KCNMB2: variants seen among roughly 807,000 people sequenced by gnomAD.
KCNMB2 encodes the protein potassium calcium-activated channel subfamily M regulatory beta subunit 2.
In KCNMB2, 9 loss-of-function variants were observed where a neutral mutation model predicts 24.5. That is an observed-to-expected ratio of 0.37 (90% CI 0.22 to 0.64). KCNMB2 has a LOEUF of 0.64. Ranked by LOEUF, KCNMB2 falls within the 30% of genes least tolerant of loss-of-function variation. KCNMB2 has a pLI of 0.63. For missense variants in KCNMB2, 226 were observed against 284.3 expected, an observed-to-expected ratio of 0.79 and a Z score of 1.47; for synonymous variants, 109 against 104.4, an observed-to-expected ratio of 1.04 and a Z score of -0.27.
intron 1 of KCNMB2, among the ~76,000 whole-genome samples, chr3:178,756,379 A>G (rs905754225): frequency 1.3e-5 from 2 of 152,116 alleles, no homozygotes; most frequent in African/African-American, 4.8e-5. Context: ...ATAAAGAATT[A>G]GGTTTCTGTG....
chr3:178,583,881 T>G (rs1717309860), intron 1 of KCNMB2, among the ~76,000 whole-genome samples: 1 of 152,226 alleles, frequency 6.6e-6, no homozygotes, highest in African/African-American at 2.4e-5. Flanking sequence ...GTGTTATAAT[T>G]ACCTGTTCTC....
chr3:178,643,168 C>A (rs1448884322), intron 1 of KCNMB2, among the ~76,000 whole-genome samples: 1 of 152,120 alleles, frequency 6.6e-6, no homozygotes, highest in East Asian at 1.9e-4. Context: ...AGGATTGATT[C>A]TTAGTGATTT....
chr3:178,622,991 T>C (rs1257702314), intron 1 of KCNMB2, among the ~76,000 whole-genome samples: 1 of 152,228 alleles, frequency 6.6e-6, no homozygotes, highest in Non-Finnish European at 1.5e-5. Flanking sequence ...CATAGAACTA[T>C]TCAACATTAG....
At chr3:178,588,592 G>A (rs567647120) in intron 1 of KCNMB2, among the ~76,000 whole-genome samples, 1 of 151,832 alleles carries the variant, frequency 6.6e-6, no homozygotes, top group South Asian at 2.1e-4. Context: ...ATATGTGTGT[G>A]GGTATATATA....
chr3:178,620,708 C>T (rs752764043), intron 1 of KCNMB2, among the ~76,000 whole-genome samples: 5 of 152,186 alleles, frequency 3.3e-5, no homozygotes, highest in African/African-American at 9.7e-5. Context: ...GAAACACTAA[C>T]ATTCAGACCA....
intron 1 of KCNMB2, among the ~76,000 whole-genome samples, chr3:178,787,103 T>G (rs1024540801): frequency 6.6e-6 from 1 of 151,462 alleles, no homozygotes; most frequent in African/African-American, 2.4e-5. Flanking sequence ...CATGGCTCAC[T>G]CTTTTCTTTG....
At chr3:178,788,759 T>C (rs544170711) in intron 1 of KCNMB2, among the ~76,000 whole-genome samples, 23 of 152,210 alleles carry the variant, frequency 1.5e-4, no homozygotes, top group Admixed American at 4.6e-4. Context: ...AGTGATGCAA[T>C]GCAAAACTTA....
At chr3:178,575,106 C>T (rs956613944) in intron 1 of KCNMB2, among the ~76,000 whole-genome samples, 2 of 152,108 alleles carry the variant, frequency 1.3e-5, no homozygotes, top group African/African-American at 4.8e-5. Flanking sequence ...CTTTGTGATG[C>T]TTCCATTCTA....
intron 1 of KCNMB2, among the ~76,000 whole-genome samples, chr3:178,546,964 A>G (rs1577001827): frequency 1.3e-5 from 2 of 152,236 alleles, no homozygotes; most frequent in African/African-American, 4.8e-5. Context: ...ATGTGTCTGG[A>G]AAGTGCTATG....
At chr3:178,761,726 G>C (rs766535563) in intron 1 of KCNMB2, among the ~76,000 whole-genome samples, 1 of 152,158 alleles carries the variant, frequency 6.6e-6, no homozygotes, top group African/African-American at 2.4e-5. Context: ...GCTGCTGGGA[G>C]CTATGCCAAG....
intron 4 of KCNMB2, among the ~76,000 whole-genome samples, chr3:178,830,924 C>T (rs970324777): frequency 2.6e-5 from 4 of 152,140 alleles, no homozygotes; most frequent in Non-Finnish European, 5.9e-5. Context: ...TTCAGTGTAA[C>T]CAGATTTTGT....
At chr3:178,635,254 C>G (rs1719475529) in intron 1 of KCNMB2, among the ~76,000 whole-genome samples, 2 of 152,136 alleles carry the variant, frequency 1.3e-5, no homozygotes, top group South Asian at 4.1e-4. Flanking sequence ...AGCTAAGAAC[C>G]AGCACCATTT....
intron 1 of KCNMB2, among the ~76,000 whole-genome samples, chr3:178,619,646 A>G (rs1718838560): frequency 6.6e-6 from 1 of 152,176 alleles, no homozygotes; most frequent in Non-Finnish European, 1.5e-5. Flanking sequence ...CCATGATTAT[A>G]TATGGAAATA....
At chr3:178,615,873 C>T (rs1426489119) in intron 1 of KCNMB2, among the ~76,000 whole-genome samples, 1 of 152,122 alleles carries the variant, frequency 6.6e-6, no homozygotes, top group Non-Finnish European at 1.5e-5. Flanking sequence ...AAGGCTTCTT[C>T]AGTTGGCAGG....
intron 1 of KCNMB2, among the ~76,000 whole-genome samples, chr3:178,727,842 G>A (rs1015882699): frequency 2.0e-5 from 3 of 152,120 alleles, no homozygotes; most frequent in African/African-American, 7.2e-5. Context: ...CTAAGTTTGT[G>A]GTAATTTGTT....
intron 4 of KCNMB2, among the ~76,000 whole-genome samples, chr3:178,842,212 A>C (rs1436350484): frequency 6.6e-6 from 1 of 152,208 alleles, no homozygotes; most frequent in Non-Finnish European, 1.5e-5. Flanking sequence ...GTAAGTTTTT[A>C]TGTTATGTGG....
chr3:178,638,426 C>A (rs1407018491), intron 1 of KCNMB2, among the ~76,000 whole-genome samples: 2 of 152,120 alleles, frequency 1.3e-5, no homozygotes, highest in Non-Finnish European at 2.9e-5. Context: ...TCCCCATTAT[C>A]TCTGCATGTC....
intron 1 of KCNMB2, among the ~76,000 whole-genome samples, chr3:178,804,105 A>C (rs946900622): frequency 6.6e-6 from 1 of 152,228 alleles, no homozygotes; most frequent in African/African-American, 2.4e-5. Flanking sequence ...TATACAACGC[A>C]GATCTCTGTT....
At chr3:178,755,146 G>A (rs551917268) in intron 1 of KCNMB2, among the ~76,000 whole-genome samples, 1 of 152,326 alleles carries the variant, frequency 6.6e-6, no homozygotes, top group East Asian at 1.9e-4. Flanking sequence ...GGCAGTGTCA[G>A]CAACTCCTCC....
Sources: gnomAD v4.1 joint callset for allele counts (sites outside exome capture counted in the v4.1 genomes callset) on GRCh38, gnomAD v4.1.1 for gene constraint, MANE v1.5 for transcripts, NCBI Gene and HGNC (gene_info 2026-07-23, HGNC 2026-07-21) for gene names.